NDUFS6: variants seen among roughly 807,000 people sequenced by gnomAD.
The protein encoded by NDUFS6 is NADH:ubiquinone oxidoreductase subunit S6, also known as NADH dehydrogenase [ubiquinone] iron-sulfur protein 6, mitochondrial.
NDUFS6 carries 14 observed loss-of-function variants against 13.2 expected under a neutral mutation model. That is an observed-to-expected ratio of 1.06 (90% confidence interval 0.70 to 1.66). The LOEUF (loss-of-function observed/expected upper bound fraction) is 1.66. NDUFS6 is among the 40% of genes most tolerant of loss of function. NDUFS6 has a pLI of 0.00. For synonymous variants in NDUFS6, 95 were observed against 72.3 expected, an observed-to-expected ratio of 1.31 and a Z score of -1.60; for missense variants, 206 against 170.8, an observed-to-expected ratio of 1.21 and a Z score of -1.15.
intron 2 of NDUFS6, among the ~76,000 whole-genome samples, chr5:1,806,745 G>A (rs190180438): frequency 5.9e-5 from 9 of 152,304 alleles, no homozygotes; most frequent in Admixed American, 3.9e-4. Flanking sequence ...GGAAAACAGC[G>A]TGTGGGTTCC....
intron 2 of NDUFS6, among the ~76,000 whole-genome samples, chr5:1,809,966 AG>A (rs1734193279): frequency 6.6e-6 from 1 of 152,384 alleles, no homozygotes; most frequent in African/African-American, 2.4e-5. Flanking sequence ...TTCTGGAAAT[AG>A]ATCTTCAAGG....
intron 2 of NDUFS6, among the ~76,000 whole-genome samples, chr5:1,806,028 A>G (rs1266800096): frequency 2.0e-5 from 3 of 152,130 alleles, no homozygotes; most frequent in Non-Finnish European, 4.4e-5. Context: ...TGTTCGCCTT[A>G]CTCTGCTGCT....
intron 2 of NDUFS6, among the ~76,000 whole-genome samples, chr5:1,813,611 T>C (rs1216517821): frequency 6.6e-6 from 1 of 152,202 alleles, no homozygotes; most frequent in Non-Finnish European, 1.5e-5. Flanking sequence ...AGACACTTTT[T>C]TCATTCCGTT....
chr5:1,801,529 A>G lies in NDUFS6; in HGVS notation c.112A>G (p.Lys38Glu), dbSNP rs1266857230. ...FGVRVSPTGE[K>E]VTHTGQVYDD... is the part of the protein sequence containing the mutation. Reference sequence around the variant, plus strand: ...GGTGCGGGTCTCGCCGACCGGGGAGAAGGTCACGCACACTGGCCAGGTAAC... The same window carrying G: ...GGTGCGGGTCTCGCCGACCGGGGAGGAGGTCACGCACACTGGCCAGGTAAC... The change falls in exon 1 of 4, where the codon AAG (lysine) becomes GAG (glutamate). Residue 38 changes from lysine to glutamate, a missense_variant. Transcript: ENST00000274137. The G allele has an allele frequency of 6.3e-7, 1 of 1,592,762 alleles. No individual in the cohort carries two copies. The highest frequency in any genetic ancestry group is 1.7e-5 in the Admixed American group (1 of 58,792).
At position 1,813,683 on chromosome 5, in the gene NDUFS6, C is replaced by T. The variant is rs1205692658; in HGVS notation, c.187-656C>T. 2.0e-5 allele frequency among the ~76,000 whole-genome samples: 3 copies of T among 152,286 alleles called. No homozygotes were observed. In the South Asian group the frequency reaches 6.2e-4, roughly 32 times the overall value. Reference sequence around the variant, plus strand: ...CGTGAAGTTACCAGAGTCTTTCCCGCACATGCCTATGAGTCATAAATGACC... The same window carrying T: ...CGTGAAGTTACCAGAGTCTTTCCCGTACATGCCTATGAGTCATAAATGACC... On this transcript the variant is annotated intron_variant, in intron 2 of 3. Coordinates refer to ENST00000274137, the MANE Select transcript of NDUFS6 (RefSeq NM_004553.6).
intron 2 of NDUFS6, among the ~76,000 whole-genome samples, chr5:1,813,037 G>A (rs1215552952): frequency 1.3e-5 from 2 of 151,742 alleles, no homozygotes; most frequent in Non-Finnish European, 2.9e-5. Context: ...GGGCGACAGA[G>A]TGAGACTCTG....
Position 1,814,441 on chromosome 5 carries a change from C to T in NDUFS6, c.289C>T (p.Pro97Ser). ...CDGGGGALGH[P>S]KVYINLDKET... is the part of the protein sequence containing the mutation. ...TGGCGGCGGGGGAGCTCTTGGCCAC[C>T]CAAAAGTGTATATAAACTTGGTGCG... The change falls in exon 3 of 4, where the codon CCA becomes TCA. Residue 97 changes from proline (P) to serine (S), a missense_variant. Pro to Ser is a moderately conservative substitution (Grantham distance 74). Coordinates refer to ENST00000274137, the MANE Select transcript of NDUFS6 (RefSeq NM_004553.6). The surrounding 1 kb of genome is among the most constrained non-coding windows in gnomAD (Gnocchi z 4.9). The T allele has an allele frequency of 6.2e-7, 1 of 1,614,112 alleles. No individual in the cohort carries two copies. Among genetic ancestry groups the T allele is most frequent in the African/African-American group, 1.3e-5 (1 of 75,016 alleles).
rs781709351 is a variant in NDUFS6 at position 1,814,420 on chromosome 5, G to A, written c.268G>A (p.Gly90Ser). Residue 90 changes from glycine to serine, a missense_variant, in exon 3 of 4, where the codon GGC (glycine) becomes AGC (serine). By Grantham distance (56) the Gly-to-Ser change is moderately conservative (BLOSUM62 0). Coordinates refer to ENST00000274137, the MANE Select transcript of NDUFS6 (RefSeq NM_004553.6). The surrounding 1 kb of genome is among the most constrained non-coding windows in gnomAD (Gnocchi z 4.9). Reference sequence around the variant, plus strand: ...GACTCGGGTGATAGCGTGCGATGGCGGCGGGGGAGCTCTTGGCCACCCAAA... The same window carrying A: ...GACTCGGGTGATAGCGTGCGATGGCAGCGGGGGAGCTCTTGGCCACCCAAA... ...VETRVIACDG[G>S]GGALGHPKVY... 14 of 1,614,142 alleles carry A rather than the reference G, an allele frequency of 8.7e-6. No homozygotes were observed. Among genetic ancestry groups the A allele is most frequent in the South Asian group, 2.2e-5 (2 of 91,070 alleles).
rs1364469156 is a variant in NDUFS6 at position 1,814,973 on chromosome 5, G to C, written c.309+512G>C. ...CCTCTTCTTATAAGGGCACCAGGCA[G>C]ATTGGCTCAGGGCCCCTATGTGACC... On this transcript the variant is annotated intron_variant, in intron 3 of 3. Coordinates refer to ENST00000274137, the MANE Select transcript of NDUFS6 (RefSeq NM_004553.6). The surrounding 1 kb of genome is among the most constrained non-coding windows in gnomAD (Gnocchi z 4.9). Among the ~76,000 whole-genome samples, 3 of 152,176 alleles carry C rather than the reference G, an allele frequency of 2.0e-5. No individual in the cohort carries two copies. Among genetic ancestry groups the C allele is most frequent in the Non-Finnish European group, 2.9e-5 (2 of 68,040 alleles).
chr5:1,815,856 A>G lies in NDUFS6; in HGVS notation c.315A>G (p.Lys105=). ...TTCCTTTTGAATTTTTTCAGGACAA[A>G]GAAACAAAAACCGGCACATGCGGTT... ...GHPKVYINLD[K]ETKTGTCGYC... Residue 105 remains lysine, a synonymous_variant, in exon 4 of 4, where the codon AAA becomes AAG. Transcript: ENST00000274137. 1 of 1,614,278 alleles carries G rather than the reference A, an allele frequency of 6.2e-7. No individual in the cohort carries two copies. Among genetic ancestry groups the G allele is most frequent in the South Asian group, 1.1e-5 (1 of 91,090 alleles).
chr5:1,815,830 A>T (rs769758823), intron 3 of NDUFS6, 21 bp from the exon 4 acceptor site: 6 of 1,611,248 alleles, frequency 3.7e-6, no homozygotes, highest in Non-Finnish European at 4.2e-6. Flanking sequence ...ATATGACATC[A>T]TTCCTTTTGA....
chr5:1,801,587 C>T (rs965284948), intron 1 of NDUFS6, 38 bp downstream of exon 1: 2 of 1,543,030 alleles, frequency 1.3e-6, no homozygotes, highest in Non-Finnish European at 1.7e-6. Flanking sequence ...CTTCCTCCAG[C>T]CGCACCTCGG....
rs1270501767 is a variant in NDUFS6 at position 1,814,336 on chromosome 5, C to T, written c.187-3C>T. On this transcript the variant is annotated splice_polypyrimidine_tract_variant and splice_region_variant and intron_variant, in intron 2 of 3. Coordinates refer to ENST00000274137, the MANE Select transcript of NDUFS6 (RefSeq NM_004553.6). This position sits in a 1 kb window ranked among gnomAD's most constrained non-coding sequence, Gnocchi z 4.9. ...TTTACGTAAGTCTTTCTTCTTGTTC[C>T]AGGTGAATGAAAACTTTGCCATTGA... is the stretch of plus-strand genomic sequence containing the variant. 5 of 1,614,044 alleles carry T rather than the reference C, an allele frequency of 3.1e-6. No homozygotes were observed. In the African/African-American group the frequency reaches 5.3e-5, roughly 17 times the overall value.
intron 2 of NDUFS6, among the ~76,000 whole-genome samples, chr5:1,806,793 G>A (rs905738651): frequency 5.9e-5 from 9 of 152,260 alleles, no homozygotes; most frequent in East Asian, 1.9e-4. Context: ...CCAATCCAGC[G>A]GTTCCACTTC....
In NDUFS6 at chr5:1,802,357, G is replaced by A. The variant is rs1187088123; in HGVS notation, c.169G>A (p.Val57Ile). The change falls in exon 2 of 4, where the codon GTA (valine) becomes ATA (isoleucine). Residue 57 changes from valine to isoleucine, a missense_variant. By Grantham distance (29) the Val-to-Ile change is conservative (BLOSUM62 3). Transcript: ENST00000274137. The part of the protein sequence containing the change: ...DDKDYRRIRF[V>I]GRQKEVNENF... ...TAAAGACTACAGGAGAATTCGGTTT[G>A]TAGGTCGTCAGAAAGAGGTGAGTAA... is the stretch of plus-strand genomic sequence containing the variant. 1 of 1,613,952 alleles carries A rather than the reference G, an allele frequency of 6.2e-7. No homozygotes were observed. The highest frequency in any genetic ancestry group is 8.5e-7 in the Non-Finnish European group (1 of 1,179,982).
intron 2 of NDUFS6, among the ~76,000 whole-genome samples, chr5:1,806,588 A>C (rs1024625654): frequency 6.6e-6 from 1 of 152,170 alleles, no homozygotes. Context: ...GAGTGTGTAG[A>C]TTTCGTTAAT....
intron 2 of NDUFS6, among the ~76,000 whole-genome samples, chr5:1,811,570 C>A (rs1734219992): frequency 6.6e-6 from 1 of 152,212 alleles, no homozygotes; most frequent in South Asian, 2.1e-4. Context: ...TGTAGGTTCC[C>A]ATCGGTCTCC....
Position 1,805,784 on chromosome 5 carries a change from A to G in NDUFS6, c.186+3410A>G, listed in dbSNP as rs923598811. On this transcript the variant is annotated intron_variant, in intron 2 of 3. Coordinates refer to ENST00000274137, the MANE Select transcript of NDUFS6 (RefSeq NM_004553.6). Reference sequence around the variant, plus strand: ...GGGAGGTCTGCAGTGAGGTGTGGTAATAATAACAGCAATAACAACAGCCTG... The same window carrying G: ...GGGAGGTCTGCAGTGAGGTGTGGTAGTAATAACAGCAATAACAACAGCCTG... Among the ~76,000 whole-genome samples, 7 of 152,222 alleles carry G rather than the reference A, an allele frequency of 4.6e-5. 1 individual carries two copies. Among genetic ancestry groups the G allele is most frequent in the African/African-American group, 9.6e-5 (4 of 41,458 alleles).
At position 1,815,893 on chromosome 5, in the gene NDUFS6, C is replaced by T; in HGVS notation, c.352C>T (p.Gln118Ter). 1 of 1,614,260 alleles carries T rather than the reference C, an allele frequency of 6.2e-7. No individual in the cohort carries two copies. The highest frequency in any genetic ancestry group is 8.5e-7 in the Non-Finnish European group (1 of 1,180,048). ...CGGCACATGCGGTTACTGTGGGCTCCAGTTCAGACAGCACCACCACTAGAG... is the reference window on the plus strand; with the variant it reads ...CGGCACATGCGGTTACTGTGGGCTCTAGTTCAGACAGCACCACCACTAGAG... Reference protein sequence around the residue: ...KTGTCGYCGLQFRQHHH With the variant: ...KTGTCGYCGL The change falls in exon 4 of 4, where the codon CAG becomes TAG. Residue 118 changes from glutamine to a stop codon, truncating the protein, a stop_gained. Coordinates refer to ENST00000274137, the MANE Select transcript of NDUFS6 (RefSeq NM_004553.6). LOFTEE classifies it high-confidence loss of function.
Sources: allele counts gnomAD v4.1 joint callset (sites outside exome capture counted in the v4.1 genomes callset), GRCh38; gene constraint gnomAD v4.1.1; non-coding constraint Gnocchi (gnomAD v3.1); transcripts MANE v1.5; gene names NCBI Gene and HGNC (gene_info 2026-07-23, HGNC 2026-07-21).